TTLL5: variants seen among roughly 807,000 people sequenced by gnomAD.
The protein encoded by TTLL5 is tubulin polyglutamylase TTLL5.
In TTLL5, 132 loss-of-function variants were observed where a neutral mutation model predicts 168.4. The observed-to-expected ratio is 0.78, with a 90% CI of 0.68 to 0.91. TTLL5 has a LOEUF of 0.91. TTLL5 is among the 40% of genes least tolerant of loss of function. The pLI is 0.00. For missense variants in TTLL5, 1,545 were observed against 1,581.5 expected (o/e 0.98, Z 0.39); for synonymous variants, 546 against 558.6 (o/e 0.98, Z 0.32).
chr14:75,912,812 G>A (rs138175995), intron 31 of TTLL5, among the ~76,000 whole-genome samples: 3 of 152,282 alleles, frequency 2.0e-5, no homozygotes, highest in African/African-American at 7.2e-5. Context: ...TCAGTCAACA[G>A]GCCAATAGAG....
chr14:75,861,060 GAGGCACTTCAA>G (rs1208689101), intron 28 of TTLL5, among the ~76,000 whole-genome samples: 2 of 152,158 alleles, frequency 1.3e-5, no homozygotes. Flanking sequence ...CATGCACACT[GAGGCACTTCAA>G]GAAGGATCAC....
chr14:75,933,314 C>T (rs2034334180), intron 31 of TTLL5, among the ~76,000 whole-genome samples: 2 of 152,136 alleles, frequency 1.3e-5, no homozygotes, highest in South Asian at 4.2e-4. Flanking sequence ...AAAAATTAGC[C>T]AGGCCGGGTG....
At chr14:75,954,125 C>G (rs1222660840) in intron 31 of TTLL5, among the ~76,000 whole-genome samples, 1 of 151,790 alleles carries the variant, frequency 6.6e-6, no homozygotes, top group East Asian at 1.9e-4. Context: ...GGGTGGTGGG[C>G]ACCTGTAGTC....
intron 21 of TTLL5, among the ~76,000 whole-genome samples, chr14:75,772,731 G>A (rs537571753): frequency 1.1e-4 from 16 of 150,834 alleles, no homozygotes; most frequent in South Asian, 2.1e-4. Flanking sequence ...GCAGTGGTGC[G>A]ATCTCAGCTC....
intron 26 of TTLL5, among the ~76,000 whole-genome samples, chr14:75,790,845 C>T (rs371214531): frequency 6.0e-5 from 9 of 149,746 alleles, no homozygotes; most frequent in African/African-American, 2.2e-4. Flanking sequence ...GCTTGTAATC[C>T]CAGCACTTTG....
intron 28 of TTLL5, among the ~76,000 whole-genome samples, chr14:75,863,225 AAAC>A (rs2030179847): frequency 1.3e-5 from 2 of 152,238 alleles, no homozygotes; most frequent in South Asian, 4.1e-4. Flanking sequence ...GGTTGAGAGA[AAAC>A]AAATTCTGTG....
intron 12 of TTLL5, among the ~76,000 whole-genome samples, chr14:75,723,767 C>T (rs571157427): frequency 6.6e-6 from 1 of 152,262 alleles, no homozygotes; most frequent in South Asian, 2.1e-4. Flanking sequence ...CCATGGGTCT[C>T]CTTTCTTCCT....
intron 9 of TTLL5, among the ~76,000 whole-genome samples, chr14:75,715,177 A>G (rs1247735167): frequency 6.6e-6 from 1 of 150,430 alleles, no homozygotes; most frequent in Non-Finnish European, 1.5e-5. Context: ...CCGTTTTTAT[A>G]TGGATTTATA....
intron 28 of TTLL5, among the ~76,000 whole-genome samples, chr14:75,842,708 G>A (rs1896324100): frequency 6.6e-6 from 1 of 152,192 alleles, no homozygotes; most frequent in African/African-American, 2.4e-5. Flanking sequence ...GTAGAAAATG[G>A]GTGGGGGTTG....
chr14:75,685,113 G>A (rs949783215), intron 5 of TTLL5: 1 of 152,010 alleles, frequency 6.6e-6, no homozygotes, highest in South Asian at 2.1e-4. Flanking sequence ...TAGGTGCAGC[G>A]GCTCATGTCT....
intron 27 of TTLL5, 101 bp downstream of exon 27, chr14:75,793,201 A>T (rs1221026520): frequency 1.4e-5 from 15 of 1,093,244 alleles, no homozygotes; most frequent in Non-Finnish European, 3.7e-6. Context: ...CCATATACTG[A>T]TGCCTCTTGA....
intron 9 of TTLL5, chr14:75,710,495 G>A (rs1034297754): frequency 6.6e-6 from 1 of 151,558 alleles, no homozygotes; most frequent in Admixed American, 6.6e-5. Context: ...CTCAGACCAA[G>A]TAGAACCAGA....
chr14:75,755,975 A>AAACCC (rs1555343042), intron 18 of TTLL5, among the ~76,000 whole-genome samples: 1 of 111,954 alleles, frequency 8.9e-6, no homozygotes, highest in Non-Finnish European at 1.9e-5. Context: ...TGTCCTGGCC[A>AAACCC]CCCCCCCACC....
At chr14:75,801,357 C>T (rs946806405) in intron 27 of TTLL5, among the ~76,000 whole-genome samples, 1 of 152,102 alleles carries the variant, frequency 6.6e-6, no homozygotes, top group African/African-American at 2.4e-5. Flanking sequence ...GCCAACAAGG[C>T]CAATCTCCTG....
Position 75,707,611 on chromosome 14 carries a change from T to G in TTLL5, c.656-12T>G. 1 of 1,579,536 alleles carries G rather than the reference T, an allele frequency of 6.3e-7. No homozygotes were observed. Among genetic ancestry groups the G allele is most frequent in the Non-Finnish European group, 8.6e-7 (1 of 1,160,726 alleles). The stretch of plus-strand genomic sequence containing the variant: ...TAGTTTTTTTTTGTGAATACAAACT[T>G]TTTTTTTTTAGATTTCAAGTTTGAC... On this transcript the variant is annotated splice_polypyrimidine_tract_variant and intron_variant, in intron 8 of 31. Transcript: ENST00000298832.
chr14:75,687,052 T>G (rs1885114013), intron 5 of TTLL5, among the ~76,000 whole-genome samples: 1 of 152,224 alleles, frequency 6.6e-6, no homozygotes, highest in Admixed American at 6.5e-5. Flanking sequence ...TGTTGTTGTT[T>G]ACTTATATTT....
At chr14:75,733,287 G>A (rs766599992) in intron 13 of TTLL5, among the ~76,000 whole-genome samples, 2 of 152,100 alleles carry the variant, frequency 1.3e-5, no homozygotes, top group African/African-American at 2.4e-5. Flanking sequence ...TCCCCAGAAC[G>A]AGGCACTGAG....
intron 15 of TTLL5, among the ~76,000 whole-genome samples, chr14:75,735,536 C>A (rs1001649558): frequency 6.6e-6 from 1 of 152,110 alleles, no homozygotes; most frequent in Non-Finnish European, 1.5e-5. Context: ...TATCTTCCTT[C>A]TTTCTGTTTT....
intron 31 of TTLL5, among the ~76,000 whole-genome samples, chr14:75,903,772 C>G (rs8015020): frequency 0.17 from 26,205 of 151,402 alleles, 3,281 homozygotes; most frequent in African/African-American, 0.35. Flanking sequence ...TGACATGCCG[C>G]TAGTCCTAGC....
Sources: gnomAD v4.1 joint callset for allele counts (sites outside exome capture counted in the v4.1 genomes callset) on GRCh38, gnomAD v4.1.1 for gene constraint, MANE v1.5 for transcripts, NCBI Gene and HGNC (gene_info 2026-07-23, HGNC 2026-07-21) for gene names.